Variants in SMOC2 observed in about 807,000 individuals in gnomAD.
SMOC2 encodes the protein SPARC-related modular calcium-binding protein 2.
Under a neutral mutation model 61.4 loss-of-function variants are expected in SMOC2, and 39 were observed. The observed-to-expected ratio is 0.64, with a 90% confidence interval of 0.49 to 0.83. SMOC2 has a LOEUF of 0.83. SMOC2 is among the 40% of genes least tolerant of loss of function. The pLI is 0.00. For synonymous variants in SMOC2, 247 were observed against 239.9 expected (o/e 1.03, Z -0.27); for missense variants, 556 against 592.9 (o/e 0.94, Z 0.65).
At chr6:168,512,329 C>T (rs760054536) in intron 2 of SMOC2, among the ~76,000 whole-genome samples, 4 of 152,188 alleles carry the variant, frequency 2.6e-5, no homozygotes, top group Admixed American at 2.0e-4. Context: ...CATCCCAGCA[C>T]CCGCCTTGTG....
At chr6:168,457,678 C>T (rs963840201) in intron 1 of SMOC2, among the ~76,000 whole-genome samples, 14 of 152,060 alleles carry the variant, frequency 9.2e-5, no homozygotes, top group African/African-American at 2.2e-4. Context: ...ACCCTCCCCA[C>T]GCCCACGAGT....
intron 9 of SMOC2, among the ~76,000 whole-genome samples, chr6:168,637,087 T>A (rs1786759024): frequency 6.6e-6 from 1 of 151,996 alleles, no homozygotes; most frequent in African/African-American, 2.4e-5. Flanking sequence ...TGGAGTTTGT[T>A]TATTTTTTCA....
rs570607430 is a variant in SMOC2 at position 168,540,739 on chromosome 6, C to T, written c.464-2886C>T. Reference sequence around the variant, plus strand: ...CAGAGACGCCGTCTAGACCAGAGAACGCAGCCCTTGCTGTTCCCTTTTCTT... The same window carrying T: ...CAGAGACGCCGTCTAGACCAGAGAATGCAGCCCTTGCTGTTCCCTTTTCTT... On this transcript the variant is annotated intron_variant, in intron 4 of 12. Transcript: ENST00000356284. 1.5e-3 allele frequency among the ~76,000 whole-genome samples: 231 copies of T among 152,310 alleles called. 10 individuals are homozygous for T. Among genetic ancestry groups the T allele is most frequent in the Admixed American group, 1.5e-3 (23 of 15,300 alleles).
At chr6:168,600,445 A>AT (rs1785521105) in intron 8 of SMOC2, among the ~76,000 whole-genome samples, 1 of 144,620 alleles carries the variant, frequency 6.9e-6, no homozygotes, top group Non-Finnish European at 1.5e-5. Context: ...AAAAAAAAAA[A>AT]CAGTAGTTTC....
At chr6:168,532,660 A>G (rs1409008022) in intron 4 of SMOC2, among the ~76,000 whole-genome samples, 2 of 152,242 alleles carry the variant, frequency 1.3e-5, no homozygotes, top group African/African-American at 4.8e-5. Flanking sequence ...CTGAACCTAC[A>G]TGCAAGATTT....
chr6:168,604,497 C>T (rs778636065), intron 8 of SMOC2, among the ~76,000 whole-genome samples: 14 of 152,070 alleles, frequency 9.2e-5, no homozygotes, highest in African/African-American at 2.7e-4. Context: ...GTAACCAGGT[C>T]GCATTTCTAT....
chr6:168,595,917 G>A (rs1448248548), intron 7 of SMOC2, among the ~76,000 whole-genome samples: 2 of 152,242 alleles, frequency 1.3e-5, no homozygotes, highest in East Asian at 1.9e-4. Flanking sequence ...CCTGGATAAA[G>A]CACAGAAAGT....
chr6:168,601,006 T>C (rs1785538999), intron 8 of SMOC2, among the ~76,000 whole-genome samples: 1 of 152,242 alleles, frequency 6.6e-6, no homozygotes. Flanking sequence ...TAGATTTATA[T>C]AAAAATAGTT....
intron 12 of SMOC2, chr6:168,665,051 T>A (rs1353586293): frequency 6.7e-6 from 2 of 299,270 alleles, no homozygotes; most frequent in African/African-American, 4.5e-5. Context: ...TTAGCAAATG[T>A]TTATGGTTTT....
At chr6:168,579,587 T>C (rs1167710277) in intron 7 of SMOC2, among the ~76,000 whole-genome samples, 1 of 152,268 alleles carries the variant, frequency 6.6e-6, no homozygotes, top group East Asian at 1.9e-4. Context: ...TTTTCTGGCA[T>C]AGCTGTGTTT....
intron 7 of SMOC2, among the ~76,000 whole-genome samples, chr6:168,560,497 C>G (rs13208981): frequency 6.7e-6 from 1 of 149,494 alleles, no homozygotes; most frequent in Non-Finnish European, 1.5e-5. Flanking sequence ...CTTTCTGGCC[C>G]TGAGATGTGA....
chr6:168,657,433 T>C (rs1432543000), intron 11 of SMOC2, among the ~76,000 whole-genome samples: 2 of 152,234 alleles, frequency 1.3e-5, no homozygotes, highest in African/African-American at 2.4e-5. Flanking sequence ...CCTGCAACCC[T>C]CCAGGCATTT....
At chr6:168,487,966 T>C (rs1198751344) in intron 1 of SMOC2, among the ~76,000 whole-genome samples, 3 of 152,244 alleles carry the variant, frequency 2.0e-5, no homozygotes, top group Non-Finnish European at 4.4e-5. Flanking sequence ...CAGCATAGTT[T>C]ATTAGTAATG....
intron 8 of SMOC2, among the ~76,000 whole-genome samples, chr6:168,605,207 C>A (rs1027473178): frequency 6.6e-6 from 1 of 152,148 alleles, no homozygotes; most frequent in Admixed American, 6.5e-5. Context: ...CTGTTCCTAC[C>A]TCACATCTGG....
At chr6:168,640,678 TAGAG>T (rs1428479571) in intron 9 of SMOC2, among the ~76,000 whole-genome samples, 1 of 148,690 alleles carries the variant, frequency 6.7e-6, no homozygotes, top group Non-Finnish European at 1.5e-5. Context: ...TTTAAAAACA[TAGAG>T]AGTCTATCTT....
rs1232568764 is a variant in SMOC2 at position 168,553,443 on chromosome 6, A to G, written c.637+4240A>G. On this transcript the variant is annotated intron_variant, in intron 7 of 12. Transcript: ENST00000356284. This position sits in a 1 kb window ranked among gnomAD's most constrained non-coding sequence, Gnocchi z 4.2. ...AATTATGTAAGATTTAAACAAATGT[A>G]AATCGAATTAGTACTCTTCCCTACT... Among the ~76,000 whole-genome samples the G allele has an allele frequency of 6.6e-6, 1 of 152,252 alleles. No homozygotes were observed. The highest frequency in any genetic ancestry group is 1.5e-5 in the Non-Finnish European group (1 of 68,050).
chr6:168,483,675 C>A (rs1381071346), intron 1 of SMOC2, among the ~76,000 whole-genome samples: 1 of 152,112 alleles, frequency 6.6e-6, no homozygotes, highest in Non-Finnish European at 1.5e-5. Context: ...AAACTGAGTA[C>A]TCTCACTTTG....
At chr6:168,591,851 A>T (rs1785188407) in intron 7 of SMOC2, among the ~76,000 whole-genome samples, 1 of 152,088 alleles carries the variant, frequency 6.6e-6, no homozygotes, top group Non-Finnish European at 1.5e-5. Context: ...TTCATCTAAT[A>T]TATTAAAATG....
At chr6:168,570,982 G>C (rs924664382) in intron 7 of SMOC2, among the ~76,000 whole-genome samples, 1 of 152,100 alleles carries the variant, frequency 6.6e-6, no homozygotes, top group Non-Finnish European at 1.5e-5. Flanking sequence ...CCAATGGAGC[G>C]TAGCTGTCTG....
Sources: allele counts gnomAD v4.1 joint callset (sites outside exome capture counted in the v4.1 genomes callset), GRCh38; gene constraint gnomAD v4.1.1; non-coding constraint Gnocchi (gnomAD v3.1); transcripts MANE v1.5; gene names NCBI Gene and HGNC (gene_info 2026-07-23, HGNC 2026-07-21).